XKR9: variants seen among roughly 807,000 people sequenced by gnomAD.
XKR9 encodes XK related 9.
Under a neutral mutation model 32.0 loss-of-function variants are expected in XKR9, and 32 were observed. That is an observed-to-expected ratio of 1.00 (90% CI 0.76 to 1.34). XKR9 has a LOEUF of 1.34. Ranked by LOEUF, XKR9 falls within the 40% of genes most tolerant of loss-of-function variation. The probability of loss-of-function intolerance (pLI) is 0.00; values close to 1 mark genes in which losing one functional copy is unlikely to be tolerated. For missense variants in XKR9, 546 were observed against 429.7 expected (o/e 1.27, Z -2.39); for synonymous variants, 168 against 143.4 (o/e 1.17, Z -1.22).
the XKR9 span, among the ~76,000 whole-genome samples, chr8:70,925,051 T>C: frequency 6.6e-6 from 1 of 152,216 alleles, no homozygotes; most frequent in African/African-American, 2.4e-5. Context: ...CTGCATCACA[T>C]TGTCACATTC....
intron 3 of XKR9, among the ~76,000 whole-genome samples, chr8:70,681,583 A>C (rs1375782831): frequency 6.6e-6 from 1 of 152,132 alleles, no homozygotes; most frequent in East Asian, 1.9e-4. Context: ...CATGAGAAGG[A>C]AAAAGACATT....
chr8:70,766,036 G>A (rs777060305), intron 2 of XKR9, among the ~76,000 whole-genome samples: 7 of 152,144 alleles, frequency 4.6e-5, no homozygotes, highest in African/African-American at 1.4e-4. Context: ...GTCAGGTAGT[G>A]TGATGCCTCC....
At chr8:70,991,116 A>T in the XKR9 span, among the ~76,000 whole-genome samples, 1 of 151,974 alleles carries the variant, frequency 6.6e-6, no homozygotes, top group Non-Finnish European at 1.5e-5. Context: ...CAGTTTGGGG[A>T]AAGTAAGAAG....
the XKR9 span, among the ~76,000 whole-genome samples, chr8:70,802,149 G>A: frequency 6.6e-6 from 1 of 151,728 alleles, no homozygotes; most frequent in South Asian, 2.1e-4. Flanking sequence ...TGTTATCCAG[G>A]ATGGTCTTGA....
the XKR9 span, among the ~76,000 whole-genome samples, chr8:70,901,703 G>A: frequency 6.6e-6 from 1 of 152,288 alleles, no homozygotes; most frequent in South Asian, 2.1e-4. Context: ...TGTTGCCATT[G>A]CTTTTGGTGT....
At chr8:71,036,382 T>G in the XKR9 span, among the ~76,000 whole-genome samples, 6 of 152,040 alleles carry the variant, frequency 3.9e-5, no homozygotes, top group Non-Finnish European at 7.4e-5. Flanking sequence ...GAAGAAAAAA[T>G]TAAGTTGTTA....
At chr8:70,757,830 G>A (rs982517460) in intron 2 of XKR9, among the ~76,000 whole-genome samples, 1 of 152,004 alleles carries the variant, frequency 6.6e-6, no homozygotes, top group South Asian at 2.1e-4. Context: ...CAGGTGATCC[G>A]CCCACCTCAG....
At chr8:71,059,180 C>G in the XKR9 span, among the ~76,000 whole-genome samples, 1 of 152,236 alleles carries the variant, frequency 6.6e-6, no homozygotes, top group Non-Finnish European at 1.5e-5. Flanking sequence ...ATAAAGCCAA[C>G]CAAAACAAAA....
At chr8:70,870,746 T>C in the XKR9 span, among the ~76,000 whole-genome samples, 1 of 152,226 alleles carries the variant, frequency 6.6e-6, no homozygotes, top group African/African-American at 2.4e-5. Flanking sequence ...GGCAATGATA[T>C]GCATATTGCA....
the XKR9 span, among the ~76,000 whole-genome samples, chr8:70,932,538 C>G: frequency 6.6e-6 from 1 of 152,076 alleles, no homozygotes; most frequent in African/African-American, 2.4e-5. Flanking sequence ...ATTGCATGGA[C>G]CACTTCTGTA....
At chr8:70,835,454 G>A in the XKR9 span, among the ~76,000 whole-genome samples, 1 of 152,008 alleles carries the variant, frequency 6.6e-6, no homozygotes, top group Non-Finnish European at 1.5e-5. Flanking sequence ...CAGGCATTCA[G>A]ATCTTAAGAT....
At chr8:71,050,292 G>GAT in the XKR9 span, among the ~76,000 whole-genome samples, 234 of 71,982 alleles carry the variant, frequency 3.3e-3, 1 homozygote, top group South Asian at 0.024. Flanking sequence ...TATAGATATA[G>GAT]ATATATATAT....
the XKR9 span, among the ~76,000 whole-genome samples, chr8:71,017,304 T>A: frequency 2.0e-5 from 3 of 152,216 alleles, no homozygotes; most frequent in African/African-American, 7.2e-5. Flanking sequence ...TATCTTACAG[T>A]ATGAATATTT....
At chr8:70,700,797 A>G (rs573890591) in intron 3 of XKR9, among the ~76,000 whole-genome samples, 52 of 152,334 alleles carry the variant, frequency 3.4e-4, no homozygotes, top group Middle Eastern at 6.8e-3. Flanking sequence ...GGTGGAGCCT[A>G]CAGAGGCAGG....
chr8:71,047,342 C>T, the XKR9 span, among the ~76,000 whole-genome samples: 1 of 152,180 alleles, frequency 6.6e-6, no homozygotes, highest in African/African-American at 2.4e-5. Context: ...TATTTGCACT[C>T]TCTGCTATGC....
At chr8:70,996,369 T>G in the XKR9 span, among the ~76,000 whole-genome samples, 11 of 152,212 alleles carry the variant, frequency 7.2e-5, no homozygotes, top group Non-Finnish European at 1.3e-4. Context: ...TTGTGGCAAT[T>G]GATAGATTTC....
the XKR9 span, among the ~76,000 whole-genome samples, chr8:70,939,648 C>G: frequency 6.6e-6 from 1 of 152,014 alleles, no homozygotes; most frequent in Non-Finnish European, 1.5e-5. Context: ...GCCATAGTCT[C>G]AGTCCTGAGA....
chr8:70,827,187 A>G, the XKR9 span, among the ~76,000 whole-genome samples: 3 of 152,304 alleles, frequency 2.0e-5, no homozygotes, highest in Middle Eastern at 3.4e-3. Context: ...ATTTATATAT[A>G]TAGTGTTATA....
At chr8:70,861,714 T>C in the XKR9 span, among the ~76,000 whole-genome samples, 3 of 152,118 alleles carry the variant, frequency 2.0e-5, no homozygotes, top group Non-Finnish European at 4.4e-5. Flanking sequence ...AGTTAATATA[T>C]GTAAAAATAC....
Sources: gnomAD v4.1 joint callset for allele counts (sites outside exome capture counted in the v4.1 genomes callset) on GRCh38, gnomAD v4.1.1 for gene constraint, MANE v1.5 for transcripts, NCBI Gene and HGNC (gene_info 2026-07-23, HGNC 2026-07-21) for gene names.